Variants in FXR2 observed in about 807,000 individuals in gnomAD.
FXR2 encodes RNA-binding protein FXR2.
FXR2 carries 9 observed loss-of-function variants against 87.3 expected under a neutral mutation model. The observed-to-expected ratio is 0.10, with a 90% CI of 0.06 to 0.18. FXR2 has a LOEUF of 0.18. Among genes scored for constraint, FXR2 ranks in the 10% least tolerant of loss-of-function variants. The pLI is 1.00. For synonymous variants in FXR2, 331 were observed against 328.3 expected, an observed-to-expected ratio of 1.01 and a Z score of -0.09; for missense variants, 661 against 893.6, an observed-to-expected ratio of 0.74 and a Z score of 3.32.
chr17:7,609,357 T>C (rs2071830383), intron 1 of FXR2, among the ~76,000 whole-genome samples: 1 of 152,148 alleles, frequency 6.6e-6, no homozygotes, highest in Non-Finnish European at 1.5e-5. Flanking sequence ...ACAAGCCACC[T>C]TTCTCGTCTT....
chr17:7,602,704 G>C (rs927346657), intron 6 of FXR2: 6 of 465,166 alleles, frequency 1.3e-5, no homozygotes, highest in Non-Finnish European at 1.5e-5. Context: ...TCTCCAGCCT[G>C]GGTGACAAGA....
chr17:7,591,573 G>A lies in FXR2; in HGVS notation c.*257C>T. 1 of 489,758 alleles carries A rather than the reference G, an allele frequency of 2.0e-6. No individual in the cohort carries two copies. Among genetic ancestry groups the A allele is most frequent in the South Asian group, 2.0e-5 (1 of 48,864 alleles). The allele number at this position is 489,758 out of a possible 1,614,324, so 30.3% of individuals were successfully genotyped here. On this transcript the variant is annotated 3_prime_UTR_variant, in exon 17 of 17. Coordinates refer to ENST00000250113, the MANE Select transcript of FXR2 (RefSeq NM_004860.4). The surrounding 1 kb of genome is among the most constrained non-coding windows in gnomAD (Gnocchi z 4.0). ...TCAGAGAGAGATTGGGGCATTAGAG[G>A]ATAAAGGCACATCCAGTCTGATGGG... is the stretch of plus-strand genomic sequence containing the variant.
chr17:7,594,540 CA>C lies in FXR2; in HGVS notation c.910+138del, dbSNP rs1185789521. The C allele has an allele frequency of 1.4e-6, 1 of 718,826 alleles. No homozygotes were observed. The highest frequency in any genetic ancestry group is 2.5e-6 in the Non-Finnish European group (1 of 407,008). 44.5% of individuals were successfully genotyped at this position (718,826 alleles called of 1,614,324 possible). ...TAGAAATTTATTCTTTCATTTTTATCACTCCCATTACAGACTGTTTCTCTGT... is the reference window on the plus strand; with the variant it reads ...TAGAAATTTATTCTTTCATTTTTATCCTCCCATTACAGACTGTTTCTCTGT... On this transcript the variant is annotated intron_variant, in intron 9 of 16. Coordinates refer to ENST00000250113, the MANE Select transcript of FXR2 (RefSeq NM_004860.4). The surrounding 1 kb of genome is among the most constrained non-coding windows in gnomAD (Gnocchi z 5.1).
chr17:7,603,027 G>A (rs565300854), intron 5 of FXR2, 25 bp from the exon 6 acceptor site: 20 of 1,197,400 alleles, frequency 1.7e-5, no homozygotes, highest in South Asian at 1.4e-4. Context: ...AGTACTCAGC[G>A]GGCAGAATGC....
At chr17:7,605,570 C>G (rs906661878) in intron 3 of FXR2, 75 bp downstream of exon 3, 6 of 791,708 alleles carry the variant, frequency 7.6e-6, no homozygotes, top group Non-Finnish European at 1.3e-5. Flanking sequence ...GAGGAAGGAA[C>G]ATGAACCAAC....
chr17:7,600,361 G>C lies in FXR2; in HGVS notation c.660+1048C>G, dbSNP rs192757560. Reference sequence around the variant, plus strand: ...TTACAGGCATGTGCCACCACGCCCAGCTGATTTTTGTCTTCTTAGTAAAGA... The same window carrying C: ...TTACAGGCATGTGCCACCACGCCCACCTGATTTTTGTCTTCTTAGTAAAGA... On this transcript the variant is annotated intron_variant, in intron 7 of 16. Coordinates refer to ENST00000250113, the MANE Select transcript of FXR2 (RefSeq NM_004860.4). 1.8e-3 allele frequency among the ~76,000 whole-genome samples: 280 copies of C among 152,228 alleles called. 4 individuals are homozygous for C. The highest frequency in any genetic ancestry group is 2.2e-3 in the Admixed American group (33 of 15,280).
chr17:7,607,502 A>T (rs1326559707), intron 1 of FXR2, among the ~76,000 whole-genome samples: 1 of 151,720 alleles, frequency 6.6e-6, no homozygotes, highest in Non-Finnish European at 1.5e-5. Flanking sequence ...ATCTTGGCCC[A>T]CTGCAACCTC....
intron 1 of FXR2, among the ~76,000 whole-genome samples, chr17:7,608,635 AAAG>A (rs1053378302): frequency 1.3e-5 from 2 of 151,114 alleles, no homozygotes; most frequent in African/African-American, 2.4e-5. Flanking sequence ...AAAAAGAAGA[AAAG>A]AAGAAAAGAA....
chr17:7,592,535 A>G lies in FXR2; in HGVS notation c.1794T>C (p.Thr598=). The part of the protein sequence containing the change: ...SRRRRNRGNR[T]DGSISGDRQP... ...GGCGGTCTCCACTGATAGAGCCATC[A>G]GTCCGATTACCACGGTTACGGCGGC... Residue 598 remains threonine, a synonymous_variant, in exon 15 of 17, where the codon ACT becomes ACC. Coordinates refer to ENST00000250113, the MANE Select transcript of FXR2 (RefSeq NM_004860.4). The surrounding 1 kb of genome is among the most constrained non-coding windows in gnomAD (Gnocchi z 4.8). The G allele has an allele frequency of 1.9e-6, 3 of 1,614,004 alleles. No individual in the cohort carries two copies. Among genetic ancestry groups the G allele is most frequent in the South Asian group, 1.1e-5 (1 of 91,090 alleles).
intron 6 of FXR2, among the ~76,000 whole-genome samples, chr17:7,602,209 G>T (rs553409442): frequency 1.3e-5 from 2 of 151,658 alleles, no homozygotes; most frequent in East Asian, 3.9e-4. Context: ...GGATCACGAC[G>T]TCAGGAGTTC....
rs1427598237 is a variant in FXR2, at chr17:7,592,931, G to A, written c.1529-37C>T. 1.9e-6 allele frequency: 3 copies of A among 1,545,532 alleles called. No homozygotes were observed. Among genetic ancestry groups the A allele is most frequent in the East Asian group, 4.5e-5 (2 of 44,306 alleles). ...AAGAAGAGGAGGAGTTGGCAGTCAG[G>A]TGCCCATCATCTTTCCTTTTGGCCC... On this transcript the variant is annotated intron_variant, in intron 13 of 16. Transcript: ENST00000250113. This position sits in a 1 kb window ranked among gnomAD's most constrained non-coding sequence, Gnocchi z 4.8.
Position 7,593,412 on chromosome 17 carries a change from G to T in FXR2, c.1321C>A (p.Pro441Thr). The change falls in exon 12 of 17, where the codon CCT (proline) becomes ACT (threonine). Residue 441 changes from proline to threonine, a missense_variant. By Grantham distance (38) the Pro-to-Thr change is conservative. Coordinates refer to ENST00000250113, the MANE Select transcript of FXR2 (RefSeq NM_004860.4). The surrounding 1 kb of genome is among the most constrained non-coding windows in gnomAD (Gnocchi z 6.1). ...CCCATAACTGTCTCACCATAGGCAGGACCGCCTGTCCTCCGGCCACGGCCA... is the reference window on the plus strand; with the variant it reads ...CCCATAACTGTCTCACCATAGGCAGTACCGCCTGTCCTCCGGCCACGGCCA... ...GRGRGRRTGGPAYGPSSDVST... is the reference protein window; with the variant it reads ...GRGRGRRTGGTAYGPSSDVST... 6.4e-7 allele frequency: 1 copy of T among 1,569,890 alleles called. No individual in the cohort carries two copies. The highest frequency in any genetic ancestry group is 8.6e-7 in the Non-Finnish European group (1 of 1,157,646).
intron 3 of FXR2, among the ~76,000 whole-genome samples, chr17:7,605,062 A>G (rs570280713): frequency 1.3e-5 from 2 of 152,036 alleles, no homozygotes; most frequent in South Asian, 2.1e-4. Flanking sequence ...AAACCAGAGG[A>G]AGGAACTAAT....
chr17:7,608,986 G>A (rs188315914), intron 1 of FXR2, among the ~76,000 whole-genome samples: 1 of 152,344 alleles, frequency 6.6e-6, no homozygotes, highest in African/African-American at 2.4e-5. Flanking sequence ...GCTTGTGCCT[G>A]TAGTCCCAGC....
chr17:7,601,650 C>A (rs1294572358), intron 6 of FXR2, 125 bp from the exon 7 acceptor site: 7 of 645,428 alleles, frequency 1.1e-5, no homozygotes, highest in Non-Finnish European at 1.9e-5. Flanking sequence ...GCTAGGAGAC[C>A]GGGCGCGGTG....
intron 1 of FXR2, among the ~76,000 whole-genome samples, chr17:7,606,989 A>C (rs548897883): frequency 1.6e-4 from 25 of 152,186 alleles, no homozygotes; most frequent in Non-Finnish European, 3.1e-4. Flanking sequence ...TGAATTTATT[A>C]TTTTATCAAC....
intron 7 of FXR2, 122 bp downstream of exon 7, chr17:7,601,287 G>C: frequency 1.5e-6 from 1 of 653,060 alleles, no homozygotes; most frequent in Non-Finnish European, 2.8e-6. Flanking sequence ...GCTGACCCAG[G>C]TTTAATTGCC....
intron 1 of FXR2, among the ~76,000 whole-genome samples, chr17:7,611,632 T>G (rs1362495219): frequency 6.6e-6 from 1 of 151,722 alleles, no homozygotes; most frequent in African/African-American, 2.4e-5. Flanking sequence ...CACGCCACTG[T>G]ACTCCAGCCT....
rs1047726279 is a variant in FXR2, at chr17:7,592,066, C to T, written c.1927-141G>A. The T allele has an allele frequency of 7.4e-7, 1 of 1,343,556 alleles. No homozygotes were observed. Among genetic ancestry groups the T allele is most frequent in the African/African-American group, 1.4e-5 (1 of 69,306 alleles). The allele number at this position is 1,343,556 out of a possible 1,614,324, so 83.2% of individuals were successfully genotyped here. On this transcript the variant is annotated intron_variant, in intron 16 of 16. Transcript: ENST00000250113. This position sits in a 1 kb window ranked among gnomAD's most constrained non-coding sequence, Gnocchi z 4.8. ...TCCCTGATCTCATGATCCAGTCTCT[C>T]TTACTTGGGATCCAGAAAATGTGAA...
Sources: gnomAD v4.1 joint callset for allele counts (sites outside exome capture counted in the v4.1 genomes callset) on GRCh38, gnomAD v4.1.1 for gene constraint, Gnocchi (gnomAD v3.1) non-coding constraint, MANE v1.5 for transcripts, NCBI Gene and HGNC (gene_info 2026-07-23, HGNC 2026-07-21) for gene names.